SATB2: variants seen among roughly 807,000 people sequenced by gnomAD.
The protein encoded by SATB2 is DNA-binding protein SATB2.
SATB2 carries 1 observed loss-of-function variant against 73.4 expected under a neutral mutation model. The ratio of observed to expected loss-of-function variants is 0.01; its 90% CI spans 0.00 to 0.06. The LOEUF (loss-of-function observed/expected upper bound fraction) is 0.06, where lower values mean the gene tolerates loss of function less well. SATB2 is among the 10% of genes least tolerant of loss of function. The pLI, the probability that SATB2 is intolerant of heterozygous loss-of-function variation, is 1.00. For synonymous variants in SATB2, 397 were observed against 367.0 expected, an observed-to-expected ratio of 1.08 and a Z score of -0.93; for missense variants, 459 against 945.8, an observed-to-expected ratio of 0.49 and a Z score of 6.75.
In SATB2 at chr2:199,277,152, G is replaced by A. The variant is rs932164491; in HGVS notation, c.1741-4480C>T. Among the ~76,000 whole-genome samples the A allele has an allele frequency of 1.5e-4, 23 of 152,168 alleles. No homozygotes were observed. The East Asian group carries it at 4.2e-3, about 28-fold the overall frequency. ...AAAATAGGAAAAGCCTGCATTGACA[G>A]ATCCCAGCATAATGGGTTTCCACTG... On this transcript the variant is annotated intron_variant, in intron 10 of 10. Coordinates refer to ENST00000417098, the MANE Select transcript of SATB2 (RefSeq NM_001172509.2).
At chr2:199,435,140 C>T (rs940637323) in intron 2 of SATB2, among the ~76,000 whole-genome samples, 15 of 151,974 alleles carry the variant, frequency 9.9e-5, no homozygotes, top group African/African-American at 3.6e-4. Context: ...AATACACTCT[C>T]CATGGTGTAG....
At chr2:199,312,475 G>C (rs954652223) in intron 9 of SATB2, among the ~76,000 whole-genome samples, 2 of 152,188 alleles carry the variant, frequency 1.3e-5, no homozygotes, top group African/African-American at 4.8e-5. Flanking sequence ...AATGTAGAAG[G>C]TATCAAACCT....
chr2:199,368,517 T>C (rs1215304691), intron 6 of SATB2, 88 bp downstream of exon 6: 1 of 796,704 alleles, frequency 1.3e-6, no homozygotes, highest in Non-Finnish European at 2.2e-6. Context: ...GTAAATTGTA[T>C]CTAAAATGAG....
intron 10 of SATB2, among the ~76,000 whole-genome samples, chr2:199,290,117 C>G (rs776701341): frequency 6.6e-6 from 1 of 152,232 alleles, no homozygotes; most frequent in Non-Finnish European, 1.5e-5. Context: ...AACAACTCTA[C>G]ACTGGAGCCC....
intron 7 of SATB2, among the ~76,000 whole-genome samples, chr2:199,344,482 C>T (rs1688594487): frequency 1.3e-5 from 2 of 152,138 alleles, no homozygotes; most frequent in African/African-American, 4.8e-5. Context: ...CTCTCAGGAC[C>T]TCCAAACTCA....
intron 10 of SATB2, among the ~76,000 whole-genome samples, chr2:199,282,409 T>C (rs1356791700): frequency 6.6e-6 from 1 of 152,194 alleles, no homozygotes; most frequent in Non-Finnish European, 1.5e-5. Flanking sequence ...GATGGCATTG[T>C]ATACACGTGG....
At chr2:199,470,324 C>G (rs1183543937) in intron 1 of SATB2, 1 of 152,236 alleles carries the variant, frequency 6.6e-6, no homozygotes, top group Non-Finnish European at 1.5e-5. Flanking sequence ...CCTTTCTTTA[C>G]CCCCGACTCC....
intron 6 of SATB2, among the ~76,000 whole-genome samples, chr2:199,356,220 T>C (rs575271754): frequency 2.1e-5 from 1 of 47,716 alleles, no homozygotes; most frequent in Non-Finnish European, 3.4e-5. Context: ...TAGAAGAACA[T>C]AAGCCAAAAA....
chr2:199,439,276 G>C (rs1691739473), intron 2 of SATB2, among the ~76,000 whole-genome samples: 1 of 152,214 alleles, frequency 6.6e-6, no homozygotes, highest in Non-Finnish European at 1.5e-5. Flanking sequence ...CAGCACTCCT[G>C]AATGACAGGA....
intron 10 of SATB2, among the ~76,000 whole-genome samples, chr2:199,291,415 C>A (rs1692853950): frequency 6.6e-6 from 1 of 152,104 alleles, no homozygotes; most frequent in Admixed American, 6.5e-5. Flanking sequence ...ACTCTAGAGG[C>A]CAAATATGAG....
chr2:199,460,796 T>C (rs1692458200), upstream of SATB2, among the ~76,000 whole-genome samples: 1 of 152,226 alleles, frequency 6.6e-6, no homozygotes. This position sits in a 1 kb window ranked among gnomAD's most constrained non-coding sequence, Gnocchi z 4.0. Context: ...TCGGTTAATA[T>C]TTTATAAAGT....
At chr2:199,300,568 C>T (rs1271806253) in intron 10 of SATB2, among the ~76,000 whole-genome samples, 1 of 151,942 alleles carries the variant, frequency 6.6e-6, no homozygotes, top group Non-Finnish European at 1.5e-5. Context: ...TTAGTGGTTT[C>T]TGAGCACCGG....
At chr2:199,385,279 T>C (rs1689895558) in intron 3 of SATB2, among the ~76,000 whole-genome samples, 1 of 152,056 alleles carries the variant, frequency 6.6e-6, no homozygotes, top group African/African-American at 2.4e-5. Flanking sequence ...GGACTACAGG[T>C]ATATGCCACC....
intron 3 of SATB2, among the ~76,000 whole-genome samples, chr2:199,411,531 T>C (rs916666811): frequency 5.9e-5 from 9 of 152,218 alleles, no homozygotes; most frequent in Non-Finnish European, 1.2e-4. Context: ...CACAACATTA[T>C]GAGGGTAGAT....
At chr2:199,434,463 A>T (rs1691596295) in intron 2 of SATB2, among the ~76,000 whole-genome samples, 1 of 152,222 alleles carries the variant, frequency 6.6e-6, no homozygotes. Context: ...TTTTTAAAAA[A>T]GTCATACAGG....
At chr2:199,297,964 G>A (rs555636111) in intron 10 of SATB2, among the ~76,000 whole-genome samples, 1 of 152,206 alleles carries the variant, frequency 6.6e-6, no homozygotes. Context: ...AAGGCCATAT[G>A]AAACCAGACA....
At chr2:199,365,971 C>T (rs1237878648) in intron 6 of SATB2, among the ~76,000 whole-genome samples, 1 of 152,012 alleles carries the variant, frequency 6.6e-6, no homozygotes, top group Non-Finnish European at 1.5e-5. Flanking sequence ...TTTAGGAAAT[C>T]ATGTTTTTGA....
chr2:199,286,561 T>C (rs1692694040), intron 10 of SATB2, among the ~76,000 whole-genome samples: 1 of 152,136 alleles, frequency 6.6e-6, no homozygotes. Flanking sequence ...TATGACCATG[T>C]GTCCTTATGC....
intron 2 of SATB2, among the ~76,000 whole-genome samples, chr2:199,454,518 T>C (rs1692218694): frequency 6.6e-6 from 1 of 152,128 alleles, no homozygotes; most frequent in African/African-American, 2.4e-5. Context: ...TTTTAAAAAG[T>C]GGGTCACAGA....
Sources: allele counts gnomAD v4.1 joint callset (sites outside exome capture counted in the v4.1 genomes callset), GRCh38; gene constraint gnomAD v4.1.1; non-coding constraint Gnocchi (gnomAD v3.1); transcripts MANE v1.5; gene names NCBI Gene and HGNC (gene_info 2026-07-23, HGNC 2026-07-21).